Variants in RASA3 observed in about 807,000 individuals in gnomAD.
RASA3 encodes ras GTPase-activating protein 3.
RASA3 carries 73 observed loss-of-function variants against 110.0 expected under a neutral mutation model. The ratio of observed to expected loss-of-function variants is 0.66; its 90% CI spans 0.55 to 0.81. The LOEUF (loss-of-function observed/expected upper bound fraction) is 0.81, where lower values mean the gene tolerates loss of function less well. Among genes scored for constraint, RASA3 ranks in the 30% least tolerant of loss-of-function variants. The pLI is 0.00. For synonymous variants in RASA3, 500 were observed against 451.4 expected, an observed-to-expected ratio of 1.11 and a Z score of -1.37; for missense variants, 976 against 1,113.2, an observed-to-expected ratio of 0.88 and a Z score of 1.75.
chr13:114,074,876 C>G (rs183528926), intron 1 of RASA3, among the ~76,000 whole-genome samples: 1 of 152,254 alleles, frequency 6.6e-6, no homozygotes, highest in Non-Finnish European at 1.5e-5. Context: ...CAGCGGCAAG[C>G]CTAACGGCCC....
intron 3 of RASA3, among the ~76,000 whole-genome samples, chr13:114,042,450 C>T (rs1220296367): frequency 6.6e-6 from 1 of 152,274 alleles, no homozygotes; most frequent in African/African-American, 2.4e-5. Flanking sequence ...TGTTGGCAGA[C>T]TCCTCACGTC....
In RASA3 at chr13:114,065,406, G is replaced by A. The variant is rs1177078015; in HGVS notation, c.173+8314C>T. 2.0e-5 allele frequency among the ~76,000 whole-genome samples: 3 copies of A among 152,352 alleles called. No homozygotes were observed. Among genetic ancestry groups the A allele is most frequent in the South Asian group, 2.1e-4 (1 of 4,828 alleles). On this transcript the variant is annotated intron_variant, in intron 2 of 23. Transcript: ENST00000334062. This position sits in a 1 kb window ranked among gnomAD's most constrained non-coding sequence, Gnocchi z 4.1. ...CCTCGGGGTAGAGGGTAAAGGCTGC[G>A]TGAAGAGGAACCAAACCCCAAACCG...
chr13:113,989,949 C>A (rs2053069151), intron 22 of RASA3, among the ~76,000 whole-genome samples: 1 of 152,184 alleles, frequency 6.6e-6, no homozygotes, highest in Admixed American at 6.5e-5. Flanking sequence ...AGACTGTAAT[C>A]CCTAGTGTTG....
intron 8 of RASA3, among the ~76,000 whole-genome samples, chr13:114,021,836 T>G (rs114464913): frequency 0.011 from 1,596 of 150,662 alleles, 21 homozygotes; most frequent in African/African-American, 0.038. Flanking sequence ...GGCTCTTACA[T>G]AGGAGGGAGC....
chr13:114,066,099 C>A (rs7997426), intron 2 of RASA3, among the ~76,000 whole-genome samples: 1 of 152,106 alleles, frequency 6.6e-6, no homozygotes, highest in African/African-American at 2.4e-5. Flanking sequence ...GCACGCAGCA[C>A]CCCGGGACAC....
chr13:114,120,739 G>A (rs549656759), intron 1 of RASA3, among the ~76,000 whole-genome samples: 265 of 152,370 alleles, frequency 1.7e-3, no homozygotes, highest in African/African-American at 6.1e-3. Context: ...ACTTTTCATG[G>A]TCAGAACCTA....
At chr13:113,996,793 C>T (rs555338628) in intron 20 of RASA3, 54 bp from the exon 21 acceptor site, 25 of 1,499,160 alleles carry the variant, frequency 1.7e-5, no homozygotes, top group Admixed American at 1.2e-4. Context: ...TGGCTGAGCA[C>T]GTGCAAGAGT....
chr13:114,042,127 T>C (rs1250219781), intron 3 of RASA3, among the ~76,000 whole-genome samples: 1 of 152,254 alleles, frequency 6.6e-6, no homozygotes, highest in Non-Finnish European at 1.5e-5. Flanking sequence ...ATTATCTGCT[T>C]ATACGTTCAC....
chr13:114,048,372 T>G lies in RASA3; in HGVS notation c.277+3680A>C, dbSNP rs559055381. Reference sequence around the variant, plus strand: ...AGGTCTCACTGCACCCCCACCCCATTGGGAAGCCTCAGAGAGTCTCTAGGG... The same window carrying G: ...AGGTCTCACTGCACCCCCACCCCATGGGGAAGCCTCAGAGAGTCTCTAGGG... On this transcript the variant is annotated intron_variant, in intron 3 of 23. Transcript: ENST00000334062. The surrounding 1 kb of genome is among the most constrained non-coding windows in gnomAD (Gnocchi z 4.3). Among the ~76,000 whole-genome samples, 111 of 150,790 alleles carry G rather than the reference T, an allele frequency of 7.4e-4. 1 individual carries two copies. Among genetic ancestry groups the G allele is most frequent in the Admixed American group, 1.6e-3 (25 of 15,192 alleles).
intron 1 of RASA3, among the ~76,000 whole-genome samples, chr13:114,106,454 C>G (rs1296377127): frequency 6.6e-6 from 1 of 152,224 alleles, no homozygotes; most frequent in Non-Finnish European, 1.5e-5. Context: ...CTTTTGCCAA[C>G]ATTTCCTTCG....
chr13:114,048,239 C>T lies in RASA3; in HGVS notation c.277+3813G>A, dbSNP rs187891554. On this transcript the variant is annotated intron_variant, in intron 3 of 23. Transcript: ENST00000334062. This position sits in a 1 kb window ranked among gnomAD's most constrained non-coding sequence, Gnocchi z 4.3. ...CTGAGGCAGGAGAATGGCGTGAACCCGGGAGGTGGAGGTTGCAGTGAGCCG... is the reference window on the plus strand; with the variant it reads ...CTGAGGCAGGAGAATGGCGTGAACCTGGGAGGTGGAGGTTGCAGTGAGCCG... Among the ~76,000 whole-genome samples the T allele has an allele frequency of 5.8e-3, 879 of 151,082 alleles. 1 individual carries two copies. Among genetic ancestry groups the T allele is most frequent in the African/African-American group, 0.017 (701 of 41,042 alleles).
At chr13:114,031,800 A>C (rs1289079326) in intron 4 of RASA3, among the ~76,000 whole-genome samples, 1 of 152,196 alleles carries the variant, frequency 6.6e-6, no homozygotes, top group East Asian at 1.9e-4. Flanking sequence ...CGGGAAGGCC[A>C]AGGCGTGTTC....
intron 1 of RASA3, among the ~76,000 whole-genome samples, chr13:114,102,311 G>A (rs1017040493): frequency 9.2e-5 from 14 of 152,170 alleles, no homozygotes; most frequent in African/African-American, 2.4e-4. Flanking sequence ...CCCAGAGGGC[G>A]GCAGAGCAGC....
At chr13:114,001,838 C>T (rs1168843684) in intron 18 of RASA3, among the ~76,000 whole-genome samples, 5 of 152,260 alleles carry the variant, frequency 3.3e-5, no homozygotes, top group Non-Finnish European at 5.9e-5. Context: ...GCGGGAGTCA[C>T]GCACCAGCGC....
chr13:114,030,391 G>GA (rs1566501332), intron 4 of RASA3, among the ~76,000 whole-genome samples: 13 of 50,252 alleles, frequency 2.6e-4, no homozygotes, highest in Non-Finnish European at 5.7e-4. Context: ...GACTCACACA[G>GA]GAGGCAAGAC....
Position 114,018,087 on chromosome 13 carries a change from G to A in RASA3, c.1091+17C>T. The A allele has an allele frequency of 6.7e-7, 1 of 1,500,660 alleles. No individual in the cohort carries two copies. The allele number at this position is 1,500,660 out of a possible 1,614,324, so 93.0% of individuals were successfully genotyped here. ...CGGGTCCAGGCCGCTCTCCCCCGGG[G>A]CAGGGTGGGCACTCACTGGGTCCGC... On this transcript the variant is annotated intron_variant, in intron 11 of 23. Coordinates refer to ENST00000334062, the MANE Select transcript of RASA3 (RefSeq NM_007368.4).
At chr13:114,010,306 C>T (rs1225770249) in intron 16 of RASA3, among the ~76,000 whole-genome samples, 7 of 151,990 alleles carry the variant, frequency 4.6e-5, no homozygotes, top group Admixed American at 1.3e-4. Context: ...CTGTGCACCA[C>T]AGCCCAGCCC....
intron 2 of RASA3, among the ~76,000 whole-genome samples, chr13:114,067,238 C>A (rs1410262346): frequency 6.9e-6 from 1 of 145,842 alleles, no homozygotes; most frequent in African/African-American, 2.6e-5. Flanking sequence ...TGAGGATGGG[C>A]CCCCACCTGC....
chr13:114,013,193 A>T lies in RASA3; in HGVS notation c.1461T>A (p.Phe487Leu), dbSNP rs756841218. ...AVSSFIFLRF[F>L]APAILSPNLF... Reference sequence around the variant, plus strand: ...GGTTGGGGGAGAGAATGGCGGGCGCAAAGAACCTCAGGAAGATGAAGCTGC... The same window carrying T: ...GGTTGGGGGAGAGAATGGCGGGCGCTAAGAACCTCAGGAAGATGAAGCTGC... Residue 487 changes from phenylalanine to leucine, a missense_variant, in exon 15 of 24, where the codon TTT becomes TTA. This residue lies in a region of RASA3 where 732 missense variants were observed against 779.7 expected (regional missense o/e 0.94). Coordinates refer to ENST00000334062, the MANE Select transcript of RASA3 (RefSeq NM_007368.4). The T allele has an allele frequency of 6.2e-7, 1 of 1,613,414 alleles. No individual in the cohort carries two copies. The highest frequency in any genetic ancestry group is 8.5e-7 in the Non-Finnish European group (1 of 1,179,740).
Sources: gnomAD v4.1 joint callset for allele counts (sites outside exome capture counted in the v4.1 genomes callset) on GRCh38, gnomAD v4.1.1 for gene constraint, gnomAD v4.1.1 regional missense constraint, Gnocchi (gnomAD v3.1) non-coding constraint, MANE v1.5 for transcripts, NCBI Gene and HGNC (gene_info 2026-07-23, HGNC 2026-07-21) for gene names.